GRM3: variants seen among roughly 807,000 people sequenced by gnomAD.
GRM3 encodes metabotropic glutamate receptor 3.
In GRM3, 26 loss-of-function variants were observed where a neutral mutation model predicts 70.5. The ratio of observed to expected loss-of-function variants is 0.37; its 90% confidence interval spans 0.27 to 0.51. GRM3 has a LOEUF of 0.51. Among genes scored for constraint, GRM3 ranks in the 20% least tolerant of loss-of-function variants. The pLI is 0.93. For missense variants in GRM3, 859 were observed against 1,123.8 expected (o/e 0.76, Z 3.37); for synonymous variants, 443 against 434.9 (o/e 1.02, Z -0.23).
chr7:86,698,066 T>C (rs1318074151), intron 1 of GRM3, among the ~76,000 whole-genome samples: 1 of 152,136 alleles, frequency 6.6e-6, no homozygotes, highest in Non-Finnish European at 1.5e-5. Flanking sequence ...TGTTGTCTAT[T>C]CATGGGCAAG....
At chr7:86,659,678 C>T (rs1793842916) in intron 1 of GRM3, among the ~76,000 whole-genome samples, 1 of 151,924 alleles carries the variant, frequency 6.6e-6, no homozygotes, top group African/African-American at 2.4e-5. Context: ...GTAGTATAGT[C>T]AAATATTGTA....
rs1797428210 is a variant in GRM3 at position 86,791,876 on chromosome 7, AAAAT to A, written c.1324+4768_1324+4771del. Among the ~76,000 whole-genome samples the A allele has an allele frequency of 2.0e-5, 3 of 152,348 alleles. No individual in the cohort carries two copies. The South Asian group carries it at 6.2e-4, about 32-fold the overall frequency. ...TGGATTCCAAACCTTAGTATATTTA[AAAAT>A]AAATAAAGTTTCAAATCATTTTTTA... On this transcript the variant is annotated intron_variant, in intron 3 of 5. Coordinates refer to ENST00000361669, the MANE Select transcript of GRM3 (RefSeq NM_000840.3).
chr7:86,762,436 T>C (rs1334402343), intron 1 of GRM3, among the ~76,000 whole-genome samples: 1 of 152,080 alleles, frequency 6.6e-6, no homozygotes, highest in Non-Finnish European at 1.5e-5. Context: ...AGCAGAAATC[T>C]GTGTTTTAAA....
chr7:86,820,591 A>G (rs766974110), intron 3 of GRM3, among the ~76,000 whole-genome samples: 6 of 152,150 alleles, frequency 3.9e-5, no homozygotes, highest in Admixed American at 6.6e-5. Context: ...GATAATATTT[A>G]TAGCACAATG....
At chr7:86,792,352 T>G (rs1015268527) in intron 3 of GRM3, among the ~76,000 whole-genome samples, 2 of 152,230 alleles carry the variant, frequency 1.3e-5, no homozygotes, top group Non-Finnish European at 2.9e-5. Flanking sequence ...ATGTGGTAAC[T>G]GGAGTATACC....
intron 1 of GRM3, among the ~76,000 whole-genome samples, chr7:86,645,605 A>G (rs889024321): frequency 2.0e-5 from 3 of 152,128 alleles, no homozygotes; most frequent in African/African-American, 7.2e-5. Flanking sequence ...TTTCATTTAA[A>G]TTTCTTTCTA....
chr7:86,721,650 T>C (rs1436382823), intron 1 of GRM3, among the ~76,000 whole-genome samples: 1 of 152,114 alleles, frequency 6.6e-6, no homozygotes. Context: ...AAAACCTCTC[T>C]ATCATCGAGC....
intron 3 of GRM3, among the ~76,000 whole-genome samples, chr7:86,805,892 TC>T (rs917220633): frequency 1.5e-5 from 2 of 131,958 alleles, no homozygotes; most frequent in Admixed American, 7.8e-5. Flanking sequence ...ATGCTATCCC[TC>T]CCCCCTCCCC....
chr7:86,828,682 G>T (rs902596719), intron 3 of GRM3, among the ~76,000 whole-genome samples: 5 of 152,186 alleles, frequency 3.3e-5, no homozygotes, highest in Admixed American at 3.3e-4. Context: ...TCTTGCCTCA[G>T]TGTTGATGGC....
chr7:86,713,160 G>A (rs1000419836), intron 1 of GRM3, among the ~76,000 whole-genome samples: 3 of 152,038 alleles, frequency 2.0e-5, no homozygotes, highest in African/African-American at 4.8e-5. Flanking sequence ...GTGACTTTTC[G>A]ATAAGAGCCG....
At chr7:86,770,738 T>C (rs560082749) in intron 2 of GRM3, among the ~76,000 whole-genome samples, 1 of 152,256 alleles carries the variant, frequency 6.6e-6, no homozygotes, top group Admixed American at 6.5e-5. Context: ...TATAGGAGCA[T>C]AGGAAAAATA....
chr7:86,690,618 C>T (rs1794674855), intron 1 of GRM3, among the ~76,000 whole-genome samples: 1 of 151,994 alleles, frequency 6.6e-6, no homozygotes, highest in African/African-American at 2.4e-5. Flanking sequence ...AGGGAGAAAT[C>T]AAGATGATCC....
At chr7:86,795,599 C>A (rs1178679923) in intron 3 of GRM3, among the ~76,000 whole-genome samples, 1 of 152,064 alleles carries the variant, frequency 6.6e-6, no homozygotes, top group East Asian at 1.9e-4. Context: ...AGGACATGAT[C>A]TCGTTCCATT....
chr7:86,780,421 G>C (rs74520959), intron 2 of GRM3, among the ~76,000 whole-genome samples: 5,572 of 152,192 alleles, frequency 0.037, 326 homozygotes, highest in African/African-American at 0.13. Context: ...ATTTCTTCTT[G>C]AGCAAAATTA....
intron 1 of GRM3, among the ~76,000 whole-genome samples, chr7:86,712,468 A>G (rs2116178969): frequency 6.6e-6 from 1 of 152,182 alleles, no homozygotes; most frequent in African/African-American, 2.4e-5. Context: ...CATCACCTTG[A>G]ATATTTGACT....
intron 1 of GRM3, among the ~76,000 whole-genome samples, chr7:86,670,318 C>T (rs558134100): frequency 3.3e-5 from 5 of 152,326 alleles, no homozygotes; most frequent in African/African-American, 9.6e-5. Context: ...CTTTCCTACT[C>T]ATGTGGCTCC....
At chr7:86,801,778 G>T (rs546136506) in intron 3 of GRM3, among the ~76,000 whole-genome samples, 1 of 152,076 alleles carries the variant, frequency 6.6e-6, no homozygotes, top group Non-Finnish European at 1.5e-5. Flanking sequence ...GTCAGAAAAG[G>T]CTTCCTAAAA....
intron 4 of GRM3, among the ~76,000 whole-genome samples, chr7:86,847,881 AG>A (rs1365284583): frequency 7.2e-5 from 11 of 152,318 alleles, no homozygotes; most frequent in Non-Finnish European, 1.6e-4. Flanking sequence ...AATAAATAAA[AG>A]CTATTTCAAT....
chr7:86,789,268 T>C (rs1272488609), intron 3 of GRM3, among the ~76,000 whole-genome samples: 1 of 152,174 alleles, frequency 6.6e-6, no homozygotes, highest in Non-Finnish European at 1.5e-5. Flanking sequence ...AAGGTAAATA[T>C]TCTCAGCAGT....
Sources: allele counts gnomAD v4.1 joint callset (sites outside exome capture counted in the v4.1 genomes callset), GRCh38; gene constraint gnomAD v4.1.1; transcripts MANE v1.5; gene names NCBI Gene and HGNC (gene_info 2026-07-23, HGNC 2026-07-21).